Variants in NCKAP5 observed in about 807,000 individuals in gnomAD.
NCKAP5 encodes the protein NCK associated protein 5.
A neutral mutation model predicts 167.0 loss-of-function variants in NCKAP5; 92 were observed. The ratio of observed to expected loss-of-function variants is 0.55; its 90% CI spans 0.47 to 0.66. The LOEUF is 0.66. NCKAP5 is among the 30% of genes least tolerant of loss of function. NCKAP5 has a pLI of 0.00. For missense variants in NCKAP5, 2,378 were observed against 2,315.0 expected, an observed-to-expected ratio of 1.03 and a Z score of -0.56; for synonymous variants, 891 against 877.4, an observed-to-expected ratio of 1.02 and a Z score of -0.27.
chr2:132,764,208 C>T (rs1009496713), intron 16 of NCKAP5, among the ~76,000 whole-genome samples: 8 of 152,120 alleles, frequency 5.3e-5, no homozygotes, highest in African/African-American at 1.9e-4. Context: ...ACCAGAGAAC[C>T]AGCCAGGAGG....
intron 3 of NCKAP5, among the ~76,000 whole-genome samples, chr2:133,384,403 T>C (rs1302564247): frequency 6.6e-6 from 1 of 152,218 alleles, no homozygotes; most frequent in Non-Finnish European, 1.5e-5. Flanking sequence ...TCTGTTCTGT[T>C]CCATTGGTCT....
intron 3 of NCKAP5, among the ~76,000 whole-genome samples, chr2:133,394,029 T>C (rs780621325): frequency 2.0e-5 from 3 of 152,222 alleles, no homozygotes; most frequent in African/African-American, 4.8e-5. Context: ...ACCAGCCCTA[T>C]ACTGGCATTC....
chr2:132,695,374 C>T (rs1687205392), intron 19 of NCKAP5, among the ~76,000 whole-genome samples: 1 of 152,058 alleles, frequency 6.6e-6, no homozygotes, highest in Non-Finnish European at 1.5e-5. Flanking sequence ...TTGAGAGTGG[C>T]ACCTGGTTCC....
At chr2:133,276,562 GA>G (rs138741070) in intron 4 of NCKAP5, among the ~76,000 whole-genome samples, 19,471 of 147,296 alleles carry the variant, frequency 0.13, 1,439 homozygotes, top group Middle Eastern at 0.17. Context: ...AACTCTTCTA[GA>G]AAAAAAAAAA....
intron 6 of NCKAP5, among the ~76,000 whole-genome samples, chr2:133,098,239 T>C (rs1395112875): frequency 6.6e-6 from 1 of 152,236 alleles, no homozygotes; most frequent in Non-Finnish European, 1.5e-5. Context: ...TTCTGCAACA[T>C]CTGCAAACTT....
Position 132,789,965 on chromosome 2 carries a change from C to G in NCKAP5, c.1092+58G>C, listed in dbSNP as rs73957684. ...TCCCACCTGCCCTTCATCTCCATGA[C>G]CAAATCCTACCAGAAGAGGATTCTT... On this transcript the variant is annotated intron_variant, in intron 13 of 19. Coordinates refer to ENST00000409261, the MANE Select transcript of NCKAP5 (RefSeq NM_207363.3). The G allele has an allele frequency of 2.9e-3, 4,401 of 1,512,584 alleles. 119 individuals carry two copies. In the African/African-American group the frequency reaches 0.055, roughly 19 times the overall value. The allele number at this position is 1,512,584 out of a possible 1,614,324, so 93.7% of individuals were successfully genotyped here.
chr2:133,525,173 G>A (rs1684772288), intron 2 of NCKAP5, among the ~76,000 whole-genome samples: 1 of 152,214 alleles, frequency 6.6e-6, no homozygotes, highest in Non-Finnish European at 1.5e-5. Context: ...TTTCCCAAAT[G>A]TGGTATTCAT....
At chr2:133,191,791 G>A (rs1253002621) in intron 5 of NCKAP5, among the ~76,000 whole-genome samples, 1 of 152,048 alleles carries the variant, frequency 6.6e-6, no homozygotes, top group Non-Finnish European at 1.5e-5. Flanking sequence ...AGCAGGGAGG[G>A]ATAGCATTAG....
chr2:132,708,963 T>C (rs1460476522), intron 19 of NCKAP5, among the ~76,000 whole-genome samples: 1 of 152,164 alleles, frequency 6.6e-6, no homozygotes, highest in African/African-American at 2.4e-5. Context: ...TAAGGATCCT[T>C]TCTCTTCTCT....
intron 12 of NCKAP5, among the ~76,000 whole-genome samples, chr2:132,790,815 C>T (rs904374125): frequency 6.6e-5 from 10 of 152,174 alleles, no homozygotes; most frequent in African/African-American, 2.4e-4. Flanking sequence ...TTGTGAAGCA[C>T]ATCACAGCAT....
intron 3 of NCKAP5, among the ~76,000 whole-genome samples, chr2:133,389,853 C>T (rs943225910): frequency 1.3e-5 from 2 of 152,056 alleles, no homozygotes; most frequent in African/African-American, 2.4e-5. Flanking sequence ...TCAGAGTGGC[C>T]GTCTAGTGGC....
chr2:133,249,857 G>A (rs917894850), intron 4 of NCKAP5, among the ~76,000 whole-genome samples: 9 of 152,084 alleles, frequency 5.9e-5, no homozygotes, highest in Admixed American at 1.3e-4. Flanking sequence ...GGAGGTTGAA[G>A]CTAAGTCCTG....
At chr2:133,210,724 T>C (rs1382003876) in intron 5 of NCKAP5, among the ~76,000 whole-genome samples, 3 of 152,042 alleles carry the variant, frequency 2.0e-5, no homozygotes, top group East Asian at 3.9e-4. Context: ...AGTTTGACTA[T>C]GCAAAGGAAC....
intron 11 of NCKAP5, among the ~76,000 whole-genome samples, chr2:132,851,770 G>A (rs74565478): frequency 3.9e-5 from 6 of 152,240 alleles, no homozygotes; most frequent in African/African-American, 1.4e-4. Flanking sequence ...GAAGAGCTGC[G>A]TCAGATTGCA....
chr2:132,883,895 G>T (rs1691995196), intron 8 of NCKAP5, among the ~76,000 whole-genome samples: 2 of 152,202 alleles, frequency 1.3e-5, no homozygotes, highest in South Asian at 4.1e-4. Flanking sequence ...CTGTAGGCTA[G>T]TTTGTTACTT....
chr2:133,647,376 AAAGG>A, the NCKAP5 span, among the ~76,000 whole-genome samples: 7,180 of 82,438 alleles, frequency 0.087, 403 homozygotes, highest in South Asian at 0.16. Context: ...AGGAAGAAAG[AAAGG>A]AAGGAAGGAA....
chr2:133,363,120 T>G (rs558772307), intron 3 of NCKAP5, among the ~76,000 whole-genome samples: 1 of 152,096 alleles, frequency 6.6e-6, no homozygotes, highest in Non-Finnish European at 1.5e-5. Flanking sequence ...GGGGACTAGA[T>G]GATCATTTTG....
At chr2:133,547,000 G>GGCGCAGGCCAGTGGGTGC (rs1037819982) in intron 2 of NCKAP5, among the ~76,000 whole-genome samples, 14 of 152,242 alleles carry the variant, frequency 9.2e-5, no homozygotes, top group African/African-American at 3.1e-4. Flanking sequence ...CCAGACAGTG[G>GGCGCAGGCCAGTGGGTGC]GCGCAGGCCA....
chr2:133,464,905 G>C (rs1030880922), intron 3 of NCKAP5, among the ~76,000 whole-genome samples: 2 of 151,886 alleles, frequency 1.3e-5, no homozygotes, highest in Non-Finnish European at 2.9e-5. Context: ...GGTGAAGCTT[G>C]ATGTTTCCAT....
Sources: allele counts gnomAD v4.1 joint callset (sites outside exome capture counted in the v4.1 genomes callset), GRCh38; gene constraint gnomAD v4.1.1; transcripts MANE v1.5; gene names NCBI Gene and HGNC (gene_info 2026-07-23, HGNC 2026-07-21).